PHEX: variants seen among roughly 807,000 people sequenced by gnomAD.
PHEX encodes the protein phosphate-regulating neutral endopeptidase PHEX.
Under a neutral mutation model 68.0 loss-of-function variants are expected in PHEX, and 16 were observed. The ratio of observed to expected loss-of-function variants is 0.24; its 90% confidence interval spans 0.16 to 0.36. The LOEUF (loss-of-function observed/expected upper bound fraction) is 0.36. PHEX is among the 10% of genes least tolerant of loss of function. The pLI is 1.00. For synonymous variants in PHEX, 208 were observed against 205.1 expected (o/e 1.01, Z -0.12); for missense variants, 480 against 575.5 (o/e 0.83, Z 1.70).
intron 5 of PHEX, among the ~76,000 whole-genome samples, chrX:22,080,953 C>T (rs755545409): frequency 2.7e-5 from 3 of 111,688 alleles, no homozygotes; most frequent in South Asian, 3.8e-4. Flanking sequence ...CAGTAGCACA[C>T]GACACAAGGT....
intron 12 of PHEX, among the ~76,000 whole-genome samples, chrX:22,142,067 A>T (rs1396435826): frequency 2.7e-5 from 3 of 111,827 alleles, no homozygotes; most frequent in African/African-American, 6.5e-5. Flanking sequence ...CCTGGCCAAC[A>T]TGGTGAAACC....
At chrX:22,216,295 TTTG>T (rs1166141943) in intron 16 of PHEX, among the ~76,000 whole-genome samples, 2 of 111,118 alleles carry the variant, frequency 1.8e-5, no homozygotes, top group African/African-American at 3.3e-5. Context: ...GTATAGTTGT[TTTG>T]TTGTTGACAG....
intron 12 of PHEX, among the ~76,000 whole-genome samples, chrX:22,144,042 A>G (rs1378684031): frequency 8.9e-6 from 1 of 111,844 alleles, no homozygotes; most frequent in East Asian, 2.8e-4. Flanking sequence ...TGGCTTTACC[A>G]AACACTAGCT....
At chrX:22,144,636 C>T (rs1932606023) in intron 12 of PHEX, among the ~76,000 whole-genome samples, 1 of 109,900 alleles carries the variant, frequency 9.1e-6, no homozygotes, top group African/African-American at 3.3e-5. Flanking sequence ...TTTTAAAAAC[C>T]TAACTATAAT....
intron 19 of PHEX, among the ~76,000 whole-genome samples, chrX:22,227,103 T>G (rs878929908): frequency 8.9e-6 from 1 of 112,547 alleles, no homozygotes; most frequent in Admixed American, 9.4e-5. Flanking sequence ...ATACTTTATT[T>G]TATAAAATGA....
chrX:22,086,403 C>T (rs1929631081), intron 5 of PHEX, among the ~76,000 whole-genome samples: 1 of 111,909 alleles, frequency 8.9e-6, no homozygotes, highest in African/African-American at 3.2e-5. Flanking sequence ...GGTCTTCTGT[C>T]AAAGAACCCA....
chrX:22,034,239 G>A (rs1008533054), intron 1 of PHEX, among the ~76,000 whole-genome samples: 2 of 112,171 alleles, frequency 1.8e-5, no homozygotes, highest in African/African-American at 6.5e-5. Context: ...CCAAACAAGA[G>A]GAAAAATTCT....
intron 13 of PHEX, among the ~76,000 whole-genome samples, chrX:22,170,473 C>A (rs932356269): frequency 1.8e-5 from 2 of 111,521 alleles, no homozygotes; most frequent in East Asian, 5.6e-4. Context: ...GAATGAAGGT[C>A]ATACCAATCC....
chrX:22,067,984 C>A (rs1928685813), intron 3 of PHEX, among the ~76,000 whole-genome samples: 2 of 110,286 alleles, frequency 1.8e-5, no homozygotes, highest in South Asian at 7.8e-4. Flanking sequence ...AGGCATCCAC[C>A]ACCATGCCCA....
chrX:22,225,712 T>A (rs1317592579), intron 18 of PHEX, among the ~76,000 whole-genome samples: 1 of 112,499 alleles, frequency 8.9e-6, no homozygotes, highest in East Asian at 2.8e-4. Context: ...CCCCAGTTGT[T>A]GAAGTATGTA....
At chrX:22,167,238 T>A (rs1325415952) in intron 12 of PHEX, among the ~76,000 whole-genome samples, 3 of 111,381 alleles carry the variant, frequency 2.7e-5, no homozygotes, top group African/African-American at 9.8e-5. Context: ...TCATAGTGAC[T>A]GTACCAAATT....
chrX:22,236,154 C>T (rs140664216), intron 20 of PHEX, among the ~76,000 whole-genome samples: 1 of 112,014 alleles, frequency 8.9e-6, no homozygotes, highest in African/African-American at 3.2e-5. Flanking sequence ...CTACTCTTCC[C>T]CTTCAGATGA....
intron 20 of PHEX, among the ~76,000 whole-genome samples, chrX:22,233,596 C>G (rs754404217): frequency 2.8e-4 from 31 of 110,994 alleles, no homozygotes; most frequent in Non-Finnish European, 5.7e-5. Flanking sequence ...TCCGCTTGAT[C>G]AATTCGGCTA....
chrX:22,247,483 TG>T (rs1489507145), intron 21 of PHEX, among the ~76,000 whole-genome samples: 1 of 112,241 alleles, frequency 8.9e-6, no homozygotes, highest in Non-Finnish European at 1.9e-5. Context: ...GATAGTAATA[TG>T]GGCATATACA....
chrX:22,125,163 G>T (rs1000473721), intron 11 of PHEX, among the ~76,000 whole-genome samples: 10 of 111,519 alleles, frequency 9.0e-5, no homozygotes, highest in Non-Finnish European at 1.5e-4. Flanking sequence ...AGTGACAATT[G>T]CCAGAAAGAA....
intron 12 of PHEX, among the ~76,000 whole-genome samples, chrX:22,151,879 T>C (rs1411385022): frequency 1.8e-5 from 2 of 111,527 alleles, no homozygotes; most frequent in Non-Finnish European, 3.8e-5. Flanking sequence ...CTCAGTGGTA[T>C]TATTTTTAGA....
At position 22,033,107 on chromosome X, in the gene PHEX, C is replaced by T; in HGVS notation, c.102C>T (p.Gly34=). The change falls in exon 1 of 22, where the codon GGC becomes GGT. Residue 34 remains glycine, a synonymous_variant. Coordinates refer to ENST00000379374, the MANE Select transcript of PHEX (RefSeq NM_000444.6). ...VVFVGGTLVL[G]TILFLVSQGL... is the part of the protein sequence containing the mutation. ...TTGTCGGTGGCACCCTAGTTCTGGG[C>T]ACGATCCTCTTTCTAGGTAAGTGGA... 1 of 1,197,982 alleles carries T rather than the reference C, an allele frequency of 8.3e-7. No homozygotes were observed. The highest frequency in any genetic ancestry group is 1.1e-6 in the Non-Finnish European group (1 of 883,237).
chrX:22,231,622 C>T (rs1266002145), intron 20 of PHEX, among the ~76,000 whole-genome samples: 1 of 111,477 alleles, frequency 9.0e-6, no homozygotes, highest in Non-Finnish European at 1.9e-5. Flanking sequence ...GTGATATCCC[C>T]TTTATCATTT....
intron 11 of PHEX, among the ~76,000 whole-genome samples, chrX:22,116,909 T>A (rs1406353036): frequency 9.0e-6 from 1 of 111,007 alleles, no homozygotes; most frequent in Non-Finnish European, 1.9e-5. Context: ...AAACAAGTTT[T>A]ATTGGGGGTC....
Sources: allele counts gnomAD v4.1 joint callset (sites outside exome capture counted in the v4.1 genomes callset), GRCh38; gene constraint gnomAD v4.1.1; transcripts MANE v1.5; gene names NCBI Gene and HGNC (gene_info 2026-07-23, HGNC 2026-07-21).